The following SCHIP1 variants were observed in gnomAD, a reference collection of about 807,000 sequenced individuals.
The protein encoded by SCHIP1 is schwannomin-interacting protein 1.
Under a neutral mutation model 29.7 loss-of-function variants are expected in SCHIP1, and 8 were observed. The observed-to-expected ratio is 0.27, with a 90% confidence interval of 0.16 to 0.49. The LOEUF (loss-of-function observed/expected upper bound fraction) is 0.49, where lower values mean the gene tolerates loss of function less well. SCHIP1 is among the 20% of genes least tolerant of loss of function. The pLI, the probability that SCHIP1 is intolerant of heterozygous loss-of-function variation, is 0.99. For synonymous variants in SCHIP1, 76 were observed against 94.9 expected, an observed-to-expected ratio of 0.80 and a Z score of 1.16; for missense variants, 193 against 294.6, an observed-to-expected ratio of 0.66 and a Z score of 2.52.
At chr3:159,661,644 G>A in the SCHIP1 span, among the ~76,000 whole-genome samples, 420 of 152,268 alleles carry the variant, frequency 2.8e-3, 1 homozygote, top group African/African-American at 9.0e-3. Context: ...GTTTATCTTA[G>A]GTATGTATGG....
At chr3:159,423,503 G>A in the SCHIP1 span, among the ~76,000 whole-genome samples, 421 of 152,342 alleles carry the variant, frequency 2.8e-3, 13 homozygotes, top group East Asian at 0.073. Flanking sequence ...CGAGGCTGGG[G>A]GAGGGGCGCC....
chr3:159,883,612 C>A (rs1450125836), intron 2 of SCHIP1, among the ~76,000 whole-genome samples: 1 of 152,044 alleles, frequency 6.6e-6, no homozygotes, highest in Non-Finnish European at 1.5e-5. Flanking sequence ...TTCTTGAAAC[C>A]TGAGCTCGTT....
intron 5 of SCHIP1, among the ~76,000 whole-genome samples, chr3:159,889,893 G>A (rs1436438205): frequency 1.3e-5 from 2 of 152,042 alleles, no homozygotes; most frequent in East Asian, 3.9e-4. Context: ...TCAGGAGATC[G>A]AGACCATCCT....
chr3:159,851,915 A>G (rs1712693722), intron 1 of SCHIP1, among the ~76,000 whole-genome samples: 1 of 152,264 alleles, frequency 6.6e-6, no homozygotes, highest in African/African-American at 2.4e-5. Flanking sequence ...TTGTTATTGT[A>G]ACATCTGACA....
At chr3:159,334,253 A>T in the SCHIP1 span, among the ~76,000 whole-genome samples, 2 of 152,180 alleles carry the variant, frequency 1.3e-5, no homozygotes, top group Admixed American at 6.5e-5. Flanking sequence ...CTGTCTGACC[A>T]GTTGATTTTG....
the SCHIP1 span, among the ~76,000 whole-genome samples, chr3:159,472,474 C>G: frequency 1.3e-5 from 2 of 152,118 alleles, no homozygotes; most frequent in Non-Finnish European, 2.9e-5. Flanking sequence ...CATGCAGCAG[C>G]CTTTTACCTC....
the SCHIP1 span, among the ~76,000 whole-genome samples, chr3:159,585,505 T>C: frequency 6.6e-6 from 1 of 152,162 alleles, no homozygotes; most frequent in Non-Finnish European, 1.5e-5. Flanking sequence ...TCAAGAATGA[T>C]GTTGGGCAGA....
At chr3:159,752,050 A>G in the SCHIP1 span, among the ~76,000 whole-genome samples, 1 of 150,484 alleles carries the variant, frequency 6.6e-6, no homozygotes, top group Non-Finnish European at 1.5e-5. Context: ...CCCACCCACA[A>G]CCCAGGCCCA....
chr3:159,353,542 C>T, the SCHIP1 span, among the ~76,000 whole-genome samples: 2 of 151,992 alleles, frequency 1.3e-5, no homozygotes, highest in African/African-American at 2.4e-5. Context: ...ACAACCTGCT[C>T]GTTCTTGAGG....
the SCHIP1 span, among the ~76,000 whole-genome samples, chr3:159,288,770 A>T: frequency 6.6e-6 from 1 of 152,230 alleles, no homozygotes; most frequent in Non-Finnish European, 1.5e-5. Flanking sequence ...CATTGAGAAC[A>T]CATGCTTCAG....
chr3:159,661,250 T>C, the SCHIP1 span, among the ~76,000 whole-genome samples: 3 of 152,194 alleles, frequency 2.0e-5, no homozygotes, highest in Non-Finnish European at 2.9e-5. Flanking sequence ...AATTTCCTAT[T>C]TTGTTTATTT....
chr3:159,759,294 A>G, the SCHIP1 span, among the ~76,000 whole-genome samples: 2 of 152,234 alleles, frequency 1.3e-5, no homozygotes, highest in Non-Finnish European at 2.9e-5. Context: ...GCTCTACAGA[A>G]ATAAAAGAGA....
intron 6 of SCHIP1, among the ~76,000 whole-genome samples, chr3:159,895,975 C>T (rs557653391): frequency 3.3e-5 from 5 of 152,148 alleles, no homozygotes; most frequent in African/African-American, 7.2e-5. Context: ...GAATTACAGG[C>T]GTGAGCCACT....
the SCHIP1 span, among the ~76,000 whole-genome samples, chr3:159,343,601 T>G: frequency 6.6e-6 from 1 of 152,204 alleles, no homozygotes; most frequent in South Asian, 2.1e-4. Flanking sequence ...CAGCCTTGCC[T>G]AATATTTCTT....
the SCHIP1 span, among the ~76,000 whole-genome samples, chr3:159,800,034 T>C: frequency 6.6e-6 from 1 of 152,168 alleles, no homozygotes; most frequent in Non-Finnish European, 1.5e-5. Flanking sequence ...AAGAAGAAAG[T>C]AGTGCTTTCA....
intron 2 of SCHIP1, among the ~76,000 whole-genome samples, chr3:159,880,722 G>C (rs1716353097): frequency 6.6e-6 from 1 of 152,142 alleles, no homozygotes; most frequent in Non-Finnish European, 1.5e-5. Context: ...AACTATTATT[G>C]CCTGATCATC....
chr3:159,496,599 G>T, the SCHIP1 span, among the ~76,000 whole-genome samples: 1 of 152,150 alleles, frequency 6.6e-6, no homozygotes, highest in African/African-American at 2.4e-5. Flanking sequence ...AAAAAGTCAG[G>T]AAACAACAGG....
chr3:159,560,285 C>T, the SCHIP1 span, among the ~76,000 whole-genome samples: 1 of 152,250 alleles, frequency 6.6e-6, no homozygotes, highest in South Asian at 2.1e-4. Flanking sequence ...TATGATTCTT[C>T]TTGTAAGTCA....
chr3:159,737,663 A>T, the SCHIP1 span, among the ~76,000 whole-genome samples: 2 of 152,256 alleles, frequency 1.3e-5, no homozygotes, highest in Non-Finnish European at 2.9e-5. Flanking sequence ...AGTAACCAAG[A>T]TCTCACAAGT....
Sources: allele counts gnomAD v4.1 joint callset (sites outside exome capture counted in the v4.1 genomes callset), GRCh38; gene constraint gnomAD v4.1.1; transcripts MANE v1.5; gene names NCBI Gene and HGNC (gene_info 2026-07-23, HGNC 2026-07-21).